Variants in ST6GALNAC3 observed in about 807,000 individuals in gnomAD.
The protein encoded by ST6GALNAC3 is alpha-N-acetylgalactosaminide alpha-2,6-sialyltransferase 3.
ST6GALNAC3 carries 25 observed loss-of-function variants against 32.7 expected under a neutral mutation model. The observed-to-expected ratio is 0.76, with a 90% confidence interval of 0.56 to 1.07. ST6GALNAC3 has a LOEUF of 1.07. Among genes scored for constraint, ST6GALNAC3 ranks in the 50% least tolerant of loss-of-function variants. The pLI, the probability that ST6GALNAC3 is intolerant of heterozygous loss-of-function variation, is 0.00. For missense variants in ST6GALNAC3, 355 were observed against 382.4 expected (o/e 0.93, Z 0.60); for synonymous variants, 129 against 133.1 (o/e 0.97, Z 0.21).
chr1:76,440,961 G>A (rs926501167), intron 3 of ST6GALNAC3, among the ~76,000 whole-genome samples: 24 of 152,054 alleles, frequency 1.6e-4, no homozygotes, highest in African/African-American at 5.5e-4. Context: ...GGTGGGGTGT[G>A]CCTGTAGTCC....
intron 1 of ST6GALNAC3, among the ~76,000 whole-genome samples, chr1:76,204,252 T>C (rs1654696927): frequency 6.6e-6 from 1 of 152,180 alleles, no homozygotes; most frequent in Non-Finnish European, 1.5e-5. Flanking sequence ...TATTCCATTG[T>C]ATATATATAT....
At position 76,485,848 on chromosome 1, in the gene ST6GALNAC3, C is replaced by T. The variant is rs192758265; in HGVS notation, c.623+73431C>T. 1.1e-4 allele frequency among the ~76,000 whole-genome samples: 17 copies of T among 152,306 alleles called. No individual in the cohort carries two copies. In the East Asian group the frequency reaches 3.1e-3, roughly 28 times the overall value. The stretch of plus-strand genomic sequence containing the variant: ...CCATTTTAGATCTTTCCTGCTTTCT[C>T]TTGTGGACATTTAGTACTATAAATT... On this transcript the variant is annotated intron_variant, in intron 3 of 4. Transcript: ENST00000328299.
intron 2 of ST6GALNAC3, among the ~76,000 whole-genome samples, chr1:76,341,136 A>G (rs1647932109): frequency 6.6e-6 from 1 of 151,556 alleles, no homozygotes; most frequent in African/African-American, 2.4e-5. Flanking sequence ...GCTTCTGATG[A>G]TCCTGTTACC....
intron 1 of ST6GALNAC3, among the ~76,000 whole-genome samples, chr1:76,151,820 A>C (rs1282210502): frequency 1.3e-5 from 2 of 152,182 alleles, no homozygotes; most frequent in African/African-American, 2.4e-5. Flanking sequence ...TCACCTTCCC[A>C]GGGATGCTAG....
chr1:76,415,880 C>T (rs1406120618), intron 3 of ST6GALNAC3, among the ~76,000 whole-genome samples: 3 of 151,910 alleles, frequency 2.0e-5, no homozygotes, highest in African/African-American at 4.8e-5. Context: ...AAGATAAAAT[C>T]GTTATGAGTT....
chr1:76,406,131 C>G (rs1653817481), intron 2 of ST6GALNAC3, among the ~76,000 whole-genome samples: 1 of 151,940 alleles, frequency 6.6e-6, no homozygotes. Context: ...ACATAGTACC[C>G]CAGTCAGCCA....
intron 3 of ST6GALNAC3, among the ~76,000 whole-genome samples, chr1:76,567,944 T>C (rs781104999): frequency 3.9e-5 from 6 of 152,230 alleles, no homozygotes; most frequent in Non-Finnish European, 7.3e-5. Flanking sequence ...TGTGCTTCGG[T>C]AGTTGCATCT....
chr1:76,327,500 A>G lies in ST6GALNAC3; in HGVS notation c.213+13501A>G, dbSNP rs150811483. 3.2e-3 allele frequency among the ~76,000 whole-genome samples: 494 copies of G among 152,312 alleles called. 1 individual carries two copies. Among genetic ancestry groups the G allele is most frequent in the African/African-American group, 0.01 (427 of 41,558 alleles). The stretch of plus-strand genomic sequence containing the variant: ...TTTGTTCTATTAAAGCTTTCAACTG[A>G]TTGGATAAGGCCTATCCAGTTTATG... On this transcript the variant is annotated intron_variant, in intron 2 of 4. Coordinates refer to ENST00000328299, the MANE Select transcript of ST6GALNAC3 (RefSeq NM_152996.4).
intron 3 of ST6GALNAC3, among the ~76,000 whole-genome samples, chr1:76,421,600 C>G: frequency 6.6e-6 from 1 of 152,070 alleles, no homozygotes; most frequent in Non-Finnish European, 1.5e-5. Flanking sequence ...TGAAAACTCT[C>G]ATAAAACAAC....
At chr1:76,448,329 T>C (rs1260608953) in intron 3 of ST6GALNAC3, among the ~76,000 whole-genome samples, 2 of 152,190 alleles carry the variant, frequency 1.3e-5, no homozygotes, top group Non-Finnish European at 2.9e-5. Flanking sequence ...AGTAACTAAC[T>C]TGCTTTTGAT....
chr1:76,270,507 C>CAAAA (rs34410935), intron 1 of ST6GALNAC3, among the ~76,000 whole-genome samples: 14 of 64,118 alleles, frequency 2.2e-4, no homozygotes, highest in African/African-American at 8.3e-4. Flanking sequence ...AACTCTGTCT[C>CAAAA]AAAAAAAAAA....
Position 76,453,900 on chromosome 1 carries a change from T to G in ST6GALNAC3, c.623+41483T>G, listed in dbSNP as rs575960487. 7.9e-5 allele frequency among the ~76,000 whole-genome samples: 12 copies of G among 152,296 alleles called. No homozygotes were observed. The South Asian group carries it at 1.0e-3, about 13-fold the overall frequency. On this transcript the variant is annotated intron_variant, in intron 3 of 4. Transcript: ENST00000328299. Reference sequence around the variant, plus strand: ...GTATTGAAATCCCCCACTATTATTGTGTTGCTGTCTATCTCATTTCTTAGG... The same window carrying G: ...GTATTGAAATCCCCCACTATTATTGGGTTGCTGTCTATCTCATTTCTTAGG...
chr1:76,177,674 A>G (rs1194190601), intron 1 of ST6GALNAC3, among the ~76,000 whole-genome samples: 3 of 152,166 alleles, frequency 2.0e-5, no homozygotes, highest in Non-Finnish European at 4.4e-5. Flanking sequence ...AATTAATATT[A>G]AAATGCATTT....
At chr1:76,327,971 C>A (rs1264398596) in intron 2 of ST6GALNAC3, among the ~76,000 whole-genome samples, 1 of 152,084 alleles carries the variant, frequency 6.6e-6, no homozygotes, top group Non-Finnish European at 1.5e-5. Flanking sequence ...ATGTATAATT[C>A]TTTTAATGAA....
chr1:76,084,585 C>A (rs1471863861), intron 1 of ST6GALNAC3, among the ~76,000 whole-genome samples: 2 of 152,116 alleles, frequency 1.3e-5, no homozygotes, highest in Non-Finnish European at 2.9e-5. Context: ...TCTTTTAAGT[C>A]CAGAGAGCAA....
chr1:76,351,166 T>A (rs935702244), intron 2 of ST6GALNAC3, among the ~76,000 whole-genome samples: 2 of 152,178 alleles, frequency 1.3e-5, no homozygotes, highest in Non-Finnish European at 2.9e-5. Context: ...ATTAGCTTTG[T>A]CAAGTTTGGC....
intron 2 of ST6GALNAC3, among the ~76,000 whole-genome samples, chr1:76,348,629 A>G (rs1172493364): frequency 6.6e-6 from 1 of 152,186 alleles, no homozygotes; most frequent in Non-Finnish European, 1.5e-5. Flanking sequence ...TGCTGATGCC[A>G]ATTTTATGCA....
intron 1 of ST6GALNAC3, among the ~76,000 whole-genome samples, chr1:76,194,012 A>G (rs1654055507): frequency 6.6e-6 from 1 of 152,134 alleles, no homozygotes; most frequent in Admixed American, 6.5e-5. Context: ...ACTCCCATAG[A>G]TACATTTTGA....
intron 3 of ST6GALNAC3, among the ~76,000 whole-genome samples, chr1:76,416,627 GTTTTTTTTT>G (rs758529243): frequency 1.8e-5 from 2 of 113,464 alleles, no homozygotes; most frequent in Non-Finnish European, 1.7e-5. Context: ...TGTGGGTTTT[GTTTTTTTTT>G]TTTTTTTTTG....
Sources: allele counts gnomAD v4.1 joint callset (sites outside exome capture counted in the v4.1 genomes callset), GRCh38; gene constraint gnomAD v4.1.1; transcripts MANE v1.5; gene names NCBI Gene and HGNC (gene_info 2026-07-23, HGNC 2026-07-21).